RAB33A: variants seen among roughly 807,000 people sequenced by gnomAD.
RAB33A encodes ras-related protein Rab-33A.
In RAB33A, 6 loss-of-function variants were observed where a neutral mutation model predicts 12.0. That is an observed-to-expected ratio of 0.50 (90% confidence interval 0.27 to 0.99). The LOEUF is 0.99. Ranked by LOEUF, RAB33A falls within the 50% of genes least tolerant of loss-of-function variation. The probability of loss-of-function intolerance (pLI) is 0.11; values close to 1 mark genes in which losing one functional copy is unlikely to be tolerated. For synonymous variants in RAB33A, 70 were observed against 82.4 expected (o/e 0.85, Z 0.81); for missense variants, 109 against 192.0 (o/e 0.57, Z 2.55).
At chrX:130,136,005 G>A in the RAB33A span, 506,335 of 1,206,026 alleles carry the variant, frequency 0.42, 74,410 homozygotes, top group African/African-American at 0.66. Flanking sequence ...CACAGGCTAG[G>A]GAGAATGAAT....
At chrX:130,136,288 A>C in the RAB33A span, 2 of 992,521 alleles carry the variant, frequency 2.0e-6, no homozygotes, top group Non-Finnish European at 2.8e-6. Context: ...GACTTTAAAA[A>C]ATCATGGGTT....
chrX:130,155,314 A>G, the RAB33A span: 2 of 1,195,917 alleles, frequency 1.7e-6, no homozygotes, highest in South Asian at 3.5e-5. Context: ...GCCAAGAGAG[A>G]AACAAAAGGA....
At chrX:130,129,756 C>T in the RAB33A span, 3 of 770,848 alleles carry the variant, frequency 3.9e-6, no homozygotes, top group Admixed American at 7.1e-5. Context: ...CAGTTCTCTA[C>T]TAACCCCAAA....
chrX:130,170,632 G>A (rs1430984978), upstream of RAB33A, among the ~76,000 whole-genome samples: 1 of 112,857 alleles, frequency 8.9e-6, no homozygotes, highest in Non-Finnish European at 1.9e-5. Context: ...GCTTTGGGCA[G>A]CAGCCCCCTA....
the RAB33A span, chrX:130,130,067 TC>T: frequency 8.3e-7 from 1 of 1,211,049 alleles, no homozygotes. Flanking sequence ...GCCGTAGTCC[TC>T]CCCCTGGACG....
chrX:130,145,751 C>G, the RAB33A span, among the ~76,000 whole-genome samples: 1 of 112,015 alleles, frequency 8.9e-6, no homozygotes, highest in African/African-American at 3.2e-5. Context: ...ATCAGTGGTT[C>G]TCAACTTGGG....
chrX:130,123,836 G>GCACCA, the RAB33A span, among the ~76,000 whole-genome samples: 4 of 110,999 alleles, frequency 3.6e-5, no homozygotes, highest in Non-Finnish European at 7.6e-5. Context: ...AGGAATGTCA[G>GCACCA]CACCATCCTC....
At chrX:130,149,211 C>T in the RAB33A span, among the ~76,000 whole-genome samples, 7 of 111,621 alleles carry the variant, frequency 6.3e-5, no homozygotes, top group Non-Finnish European at 9.4e-5. Flanking sequence ...CGTGAGCCAC[C>T]GTGCCCAGCC....
At chrX:130,120,522 G>T in the RAB33A span, among the ~76,000 whole-genome samples, 2 of 112,190 alleles carry the variant, frequency 1.8e-5, no homozygotes, top group Non-Finnish European at 3.8e-5. Context: ...GGTCAAGAGC[G>T]CCATCCCCAG....
At chrX:130,114,382 C>T in the RAB33A span, among the ~76,000 whole-genome samples, 2 of 111,938 alleles carry the variant, frequency 1.8e-5, no homozygotes, top group African/African-American at 6.5e-5. Flanking sequence ...AGCCATGGGC[C>T]ACCTGAATGA....
At chrX:130,145,674 G>A in the RAB33A span, 6 of 594,868 alleles carry the variant, frequency 1.0e-5, no homozygotes, top group Middle Eastern at 4.9e-4. Context: ...TTTAAGGGAC[G>A]TTTTCCAAAG....
the RAB33A span, among the ~76,000 whole-genome samples, chrX:130,148,635 A>C: frequency 9.1e-6 from 1 of 109,417 alleles, no homozygotes; most frequent in Non-Finnish European, 1.9e-5. Flanking sequence ...GGGGTTTGAG[A>C]CCAGCCTGGC....
Position 130,172,333 on chromosome X carries a change from G to A in RAB33A, c.258+13G>A, listed in dbSNP as rs754649192. 19 of 1,190,143 alleles carry A rather than the reference G, an allele frequency of 1.6e-5. No individual in the cohort carries two copies. Among genetic ancestry groups the A allele is most frequent in the Non-Finnish European group, 2.1e-5 (19 of 884,252 alleles). The stretch of plus-strand genomic sequence containing the variant: ...CGAGAAGATCAAGGTGATCCAGGGG[G>A]TCAGGTCCAGGAAGGGTGGGACCCG... On this transcript the variant is annotated intron_variant, in intron 1 of 1. Coordinates refer to ENST00000257017, the MANE Select transcript of RAB33A (RefSeq NM_004794.3).
At chrX:130,178,613 G>C (rs1276246357) in intron 1 of RAB33A, among the ~76,000 whole-genome samples, 1 of 111,084 alleles carries the variant, frequency 9.0e-6, no homozygotes, top group East Asian at 2.8e-4. Flanking sequence ...CTGGGTGACT[G>C]AGCGAGACCA....
intron 1 of RAB33A, among the ~76,000 whole-genome samples, chrX:130,178,499 C>G (rs1420783265): frequency 9.2e-6 from 1 of 109,280 alleles, no homozygotes; most frequent in Non-Finnish European, 1.9e-5. Flanking sequence ...TGTGGTGGTG[C>G]ATGCCTGTAG....
chrX:130,127,691 C>CTTTTTT, the RAB33A span, among the ~76,000 whole-genome samples: 650 of 76,982 alleles, frequency 8.4e-3, 55 homozygotes, highest in African/African-American at 0.033. Context: ...ATGAGTTTTC[C>CTTTTTT]TTTTTTTTTT....
the RAB33A span, among the ~76,000 whole-genome samples, chrX:130,144,463 A>T: frequency 8.9e-6 from 1 of 112,095 alleles, no homozygotes; most frequent in Non-Finnish European, 1.9e-5. Flanking sequence ...CTCTATCAGT[A>T]TCGAGCTGCT....
chrX:130,136,304 A>C, the RAB33A span: 4 of 843,163 alleles, frequency 4.7e-6, no homozygotes, highest in Non-Finnish European at 6.9e-6. Flanking sequence ...GGGTTAACTT[A>C]CCTCTGATAA....
At chrX:130,176,206 C>A (rs758029209) in intron 1 of RAB33A, among the ~76,000 whole-genome samples, 2 of 111,965 alleles carry the variant, frequency 1.8e-5, no homozygotes, top group Non-Finnish European at 3.8e-5. Context: ...GTGTCTGTCA[C>A]CTACAGATGT....
Sources: gnomAD v4.1 joint callset for allele counts (sites outside exome capture counted in the v4.1 genomes callset) on GRCh38, gnomAD v4.1.1 for gene constraint, MANE v1.5 for transcripts, NCBI Gene and HGNC (gene_info 2026-07-23, HGNC 2026-07-21) for gene names.